ADAM22: variants seen among roughly 807,000 people sequenced by gnomAD.
ADAM22 encodes disintegrin and metalloproteinase domain-containing protein 22.
Under a neutral mutation model 144.6 loss-of-function variants are expected in ADAM22, and 65 were observed. The ratio of observed to expected loss-of-function variants is 0.45; its 90% confidence interval spans 0.37 to 0.55. The LOEUF (loss-of-function observed/expected upper bound fraction) is 0.55. Among genes scored for constraint, ADAM22 ranks in the 20% least tolerant of loss-of-function variants. The probability of loss-of-function intolerance (pLI) is 0.00; values close to 1 mark genes in which losing one functional copy is unlikely to be tolerated. For synonymous variants in ADAM22, 391 were observed against 412.6 expected, an observed-to-expected ratio of 0.95 and a Z score of 0.63; for missense variants, 974 against 1,184.9, an observed-to-expected ratio of 0.82 and a Z score of 2.61.
chr7:88,169,528 C>A (rs1843749245), intron 25 of ADAM22, among the ~76,000 whole-genome samples: 1 of 151,982 alleles, frequency 6.6e-6, no homozygotes, highest in Non-Finnish European at 1.5e-5. Flanking sequence ...CAAGCAATTG[C>A]CATATATACT....
chr7:87,982,701 T>TATATATATATAA (rs1554373733), intron 3 of ADAM22, among the ~76,000 whole-genome samples: 531 of 33,646 alleles, frequency 0.016, 22 homozygotes, highest in African/African-American at 0.027. Flanking sequence ...ATATATATAA[T>TATATATATATAA]TTTTTTTTTT....
intron 4 of ADAM22, among the ~76,000 whole-genome samples, chr7:88,093,748 C>T (rs1220315695): frequency 6.6e-6 from 1 of 152,016 alleles, no homozygotes. Flanking sequence ...GGTTTCACCA[C>T]GTTACCCAGG....
rs1225220789 is a variant in ADAM22, at chr7:88,116,735, G to C, written c.538-10G>C. 3.7e-6 allele frequency: 6 copies of C among 1,610,368 alleles called. No individual in the cohort carries two copies. The highest frequency in any genetic ancestry group is 5.1e-6 in the Non-Finnish European group (6 of 1,177,066). On this transcript the variant is annotated splice_polypyrimidine_tract_variant and intron_variant, in intron 6 of 31. Transcript: ENST00000413139. ...TACATGCTTAATCACTGTTGCTTGT[G>C]TCATTTCAGGAGGATTTCCATTTTC...
chr7:88,165,967 C>A, intron 24 of ADAM22, 21 bp downstream of exon 24: 1 of 1,551,844 alleles, frequency 6.4e-7, no homozygotes, highest in South Asian at 1.1e-5. Context: ...AATTTGGTAA[C>A]ATTATGTAGT....
chr7:88,142,938 A>G (rs953027065), intron 14 of ADAM22, 88 bp from the exon 15 acceptor site: 1 of 752,280 alleles, frequency 1.3e-6, no homozygotes, highest in South Asian at 1.7e-5. Context: ...TTAAAGAGTA[A>G]TATACAATTT....
chr7:88,006,304 C>A (rs1189771508), intron 3 of ADAM22, among the ~76,000 whole-genome samples: 1 of 152,116 alleles, frequency 6.6e-6, no homozygotes, highest in East Asian at 1.9e-4. Context: ...GGATTCACAG[C>A]CGAATTCTAC....
chr7:88,129,947 C>T (rs1169447255), intron 9 of ADAM22, among the ~76,000 whole-genome samples: 1 of 152,122 alleles, frequency 6.6e-6, no homozygotes, highest in East Asian at 1.9e-4. Flanking sequence ...GAGGTTTCTT[C>T]TTGCTGAATA....
intron 2 of ADAM22, among the ~76,000 whole-genome samples, chr7:87,959,689 T>C (rs1239572005): frequency 1.3e-5 from 2 of 152,198 alleles, no homozygotes; most frequent in Non-Finnish European, 2.9e-5. Context: ...AGACAGGTGA[T>C]CTAGAAGAAA....
chr7:87,948,965 GA>G (rs1844379206), intron 2 of ADAM22, among the ~76,000 whole-genome samples: 1 of 152,070 alleles, frequency 6.6e-6, no homozygotes, highest in Admixed American at 6.5e-5. Flanking sequence ...AAAAATGCAG[GA>G]AAAAAGTTCT....
intron 3 of ADAM22, among the ~76,000 whole-genome samples, chr7:88,063,276 T>TA (rs1280590009): frequency 2.0e-5 from 3 of 152,036 alleles, no homozygotes; most frequent in Non-Finnish European, 4.4e-5. Flanking sequence ...AAATCATACT[T>TA]AAAAATGCAG....
chr7:88,028,601 G>A (rs1223892416), intron 3 of ADAM22, among the ~76,000 whole-genome samples: 2 of 151,884 alleles, frequency 1.3e-5, no homozygotes, highest in Admixed American at 1.3e-4. Flanking sequence ...AGCTATTATT[G>A]TATTGGGGTC....
chr7:88,131,491 A>T, intron 11 of ADAM22, 56 bp downstream of exon 11: 1 of 1,541,024 alleles, frequency 6.5e-7, no homozygotes, highest in Non-Finnish European at 9.0e-7. Context: ...TAAATGCTTT[A>T]TTGTGACTGA....
intron 5 of ADAM22, among the ~76,000 whole-genome samples, chr7:88,110,505 C>T (rs993266492): frequency 1.3e-5 from 2 of 151,850 alleles, no homozygotes; most frequent in Non-Finnish European, 2.9e-5. Flanking sequence ...TATAAATGGA[C>T]CTGAGAACCT....
At chr7:88,097,969 T>A (rs909574317) in intron 4 of ADAM22, among the ~76,000 whole-genome samples, 2 of 152,164 alleles carry the variant, frequency 1.3e-5, no homozygotes, top group East Asian at 1.9e-4. Flanking sequence ...ATTCTCCCAA[T>A]TTAGAACTAC....
intron 2 of ADAM22, among the ~76,000 whole-genome samples, chr7:87,973,738 C>T (rs1185475922): frequency 6.6e-6 from 1 of 152,158 alleles, no homozygotes; most frequent in Admixed American, 6.5e-5. Context: ...CACATATACA[C>T]CATGGAATAC....
intron 7 of ADAM22, among the ~76,000 whole-genome samples, chr7:88,118,401 T>G (rs1299347702): frequency 6.6e-6 from 1 of 152,142 alleles, no homozygotes; most frequent in African/African-American, 2.4e-5. Flanking sequence ...AATCTTCAAA[T>G]GGGAATATAG....
chr7:88,026,094 A>G (rs1798965482), intron 3 of ADAM22, among the ~76,000 whole-genome samples: 1 of 152,186 alleles, frequency 6.6e-6, no homozygotes, highest in South Asian at 2.1e-4. Context: ...TTTTATAAGT[A>G]TCTACTATAA....
rs552931078 is a variant in ADAM22 at position 88,063,232 on chromosome 7, T to C, written c.324-12394T>C. On this transcript the variant is annotated intron_variant, in intron 3 of 31. Transcript: ENST00000413139. ...ACAATAAAACAAGGTATGCCTGTATTCAAAGAGATAACTACTGCATTTATG... is the reference window on the plus strand; with the variant it reads ...ACAATAAAACAAGGTATGCCTGTATCCAAAGAGATAACTACTGCATTTATG... 1.3e-4 allele frequency among the ~76,000 whole-genome samples: 20 copies of C among 152,224 alleles called. No individual in the cohort carries two copies. In the South Asian group the frequency reaches 4.1e-3, roughly 32 times the overall value.
chr7:88,082,727 A>G (rs2129483295), intron 4 of ADAM22, among the ~76,000 whole-genome samples: 1 of 152,350 alleles, frequency 6.6e-6, no homozygotes, highest in East Asian at 1.9e-4. Flanking sequence ...GCCAAAAAAC[A>G]CATGAAAAAA....
Sources: allele counts gnomAD v4.1 joint callset (sites outside exome capture counted in the v4.1 genomes callset), GRCh38; gene constraint gnomAD v4.1.1; transcripts MANE v1.5; gene names NCBI Gene and HGNC (gene_info 2026-07-23, HGNC 2026-07-21).